The following LARGE1 variants were observed in gnomAD, a reference collection of about 807,000 sequenced individuals.
LARGE1 encodes the protein xylosyl- and glucuronyltransferase LARGE1.
Under a neutral mutation model 87.6 loss-of-function variants are expected in LARGE1, and 43 were observed. The observed-to-expected ratio is 0.49, with a 90% CI of 0.38 to 0.63. The LOEUF (loss-of-function observed/expected upper bound fraction) is 0.63, where lower values mean the gene tolerates loss of function less well. Among genes scored for constraint, LARGE1 ranks in the 30% least tolerant of loss-of-function variants. The pLI is 0.00. For synonymous variants in LARGE1, 434 were observed against 394.6 expected (o/e 1.10, Z -1.18); for missense variants, 802 against 1,000.2 (o/e 0.80, Z 2.67).
At chr22:33,825,587 G>A (rs1489753968) in intron 1 of LARGE1, among the ~76,000 whole-genome samples, 8 of 152,224 alleles carry the variant, frequency 5.3e-5, no homozygotes, top group Middle Eastern at 3.4e-3. Flanking sequence ...ATCAGATCTC[G>A]TGAGAACTCA....
rs557580493 is a variant in LARGE1, at chr22:33,586,716, C to T, written c.615+17719G>A. 1.5e-4 allele frequency among the ~76,000 whole-genome samples: 23 copies of T among 152,288 alleles called. No individual in the cohort carries two copies. The East Asian group carries it at 3.9e-3, about 26-fold the overall frequency. On this transcript the variant is annotated intron_variant, in intron 5 of 14. Coordinates refer to ENST00000397394, the MANE Select transcript of LARGE1 (RefSeq NM_133642.5). ...TCATGATCCGTCCGCCTCAGCCTCC[C>T]GAAGTGCTGGGATTACAGGCGTGAG...
At chr22:33,383,789 T>C (rs746630345) in intron 8 of LARGE1, among the ~76,000 whole-genome samples, 2 of 152,184 alleles carry the variant, frequency 1.3e-5, no homozygotes, top group African/African-American at 4.8e-5. Context: ...CTGGGAAATA[T>C]GCTGTGGCAT....
chr22:33,786,157 A>C (rs1271718056), intron 1 of LARGE1, among the ~76,000 whole-genome samples: 1 of 152,232 alleles, frequency 6.6e-6, no homozygotes, highest in Non-Finnish European at 1.5e-5. Flanking sequence ...CACAGTATTC[A>C]GGTGCTGGGA....
chr22:33,314,222 G>A (rs551579143), intron 11 of LARGE1, among the ~76,000 whole-genome samples: 1 of 152,042 alleles, frequency 6.6e-6, no homozygotes, highest in East Asian at 1.9e-4. Context: ...TTACCTGCTA[G>A]GATCCCCAAG....
At chr22:33,511,766 T>C (rs1396927318) in intron 6 of LARGE1, among the ~76,000 whole-genome samples, 1 of 152,252 alleles carries the variant, frequency 6.6e-6, no homozygotes, top group East Asian at 1.9e-4. Context: ...ATCTGAGTTA[T>C]GTCAAGGTTG....
intron 1 of LARGE1, among the ~76,000 whole-genome samples, chr22:33,917,470 C>A (rs553795514): frequency 5.3e-5 from 8 of 152,172 alleles, no homozygotes; most frequent in Non-Finnish European, 1.2e-4. Context: ...ATGTTAACAT[C>A]TCTAAGTATA....
intron 2 of LARGE1, among the ~76,000 whole-genome samples, chr22:33,667,850 T>C (rs2081310424): frequency 6.6e-6 from 1 of 152,276 alleles, no homozygotes; most frequent in South Asian, 2.1e-4. Flanking sequence ...GCCCGCTGTC[T>C]GAAAATCCTA....
rs1927081442 is a variant in LARGE1, at chr22:33,253,046, G to A, written c.1730+51183C>T. Among the ~76,000 whole-genome samples, 3 of 152,100 alleles carry A rather than the reference G, an allele frequency of 2.0e-5. No individual in the cohort carries two copies. In the South Asian group the frequency reaches 6.2e-4, roughly 32 times the overall value. On this transcript the variant is annotated intron_variant, in intron 11 of 11. Transcript: ENST00000608642. ...ATTATGAGCTCAGAAGGTGTGACGT[G>A]GAATGTAACTGGATTATACAGAAAG... is the stretch of plus-strand genomic sequence containing the variant.
intron 13 of LARGE1, among the ~76,000 whole-genome samples, chr22:33,281,630 G>A (rs1930463665): frequency 6.6e-6 from 1 of 152,200 alleles, no homozygotes; most frequent in Non-Finnish European, 1.5e-5. Context: ...CACATGCTAA[G>A]CACACAATAA....
At chr22:33,910,084 C>T (rs1189255223) in intron 1 of LARGE1, among the ~76,000 whole-genome samples, 1 of 152,204 alleles carries the variant, frequency 6.6e-6, no homozygotes, top group Non-Finnish European at 1.5e-5. Flanking sequence ...CATCCATTCA[C>T]TACACTGCTA....
intron 1 of LARGE1, among the ~76,000 whole-genome samples, chr22:33,762,317 A>C (rs558525674): frequency 6.6e-6 from 1 of 151,650 alleles, no homozygotes; most frequent in Non-Finnish European, 1.5e-5. Flanking sequence ...AACAACCCCA[A>C]GCTGAGATGT....
chr22:33,645,224 TG>T (rs113247767), intron 3 of LARGE1, among the ~76,000 whole-genome samples: 75,662 of 151,912 alleles, frequency 0.5, 20,810 homozygotes, highest in Middle Eastern at 0.67. Context: ...CAAAACAGCA[TG>T]GTACTGGTAC....
the LARGE1 span, among the ~76,000 whole-genome samples, chr22:33,154,430 G>A: frequency 6.6e-6 from 1 of 152,056 alleles, no homozygotes; most frequent in Non-Finnish European, 1.5e-5. Context: ...TGTAGACATA[G>A]GGTTTCACAA....
At chr22:33,212,852 C>T (rs1361145919) in intron 11 of LARGE1, among the ~76,000 whole-genome samples, 1 of 151,948 alleles carries the variant, frequency 6.6e-6, no homozygotes, top group African/African-American at 2.4e-5. Context: ...CCCGTCTCTA[C>T]TAAAAATACA....
chr22:33,261,688 T>C (rs557435197), intron 11 of LARGE1, among the ~76,000 whole-genome samples: 1 of 152,148 alleles, frequency 6.6e-6, no homozygotes, highest in Admixed American at 6.5e-5. Flanking sequence ...ATACTGACTT[T>C]CTGTTAGTGT....
At chr22:33,862,078 C>G (rs1601801687) in intron 1 of LARGE1, among the ~76,000 whole-genome samples, 1 of 151,958 alleles carries the variant, frequency 6.6e-6, no homozygotes, top group Non-Finnish European at 1.5e-5. Context: ...CCAGGCTGGT[C>G]TTGAACTCCT....
chr22:33,761,528 A>G lies in LARGE1; in HGVS notation c.-52T>C. 2 of 1,437,322 alleles carry G rather than the reference A, an allele frequency of 1.4e-6. No individual in the cohort carries two copies. The highest frequency in any genetic ancestry group is 9.8e-7 in the Non-Finnish European group (1 of 1,019,736). 89.0% of individuals were successfully genotyped at this position (1,437,322 alleles called of 1,614,324 possible). A position where few individuals can be genotyped will look rare whatever the true frequency, so the allele number is the denominator to read the frequency against. On this transcript the variant is annotated 5_prime_UTR_variant, in exon 2 of 15. The change abolishes an upstream ATG in the 5' untranslated region. Coordinates refer to ENST00000397394, the MANE Select transcript of LARGE1 (RefSeq NM_133642.5). ...CCAGCGCCGTTTCTCTGTCCGGAGC[A>G]TGAAGTCCTCGGCCTCCCTCATAAT...
the LARGE1 span, among the ~76,000 whole-genome samples, chr22:33,069,937 G>T: frequency 6.7e-6 from 1 of 150,222 alleles, no homozygotes; most frequent in African/African-American, 2.4e-5. Context: ...CTATTCACCT[G>T]CCTCAGCCTC....
At chr22:33,728,551 CAAAAAAAA>C (rs57790780) in intron 2 of LARGE1, among the ~76,000 whole-genome samples, 3 of 37,462 alleles carry the variant, frequency 8.0e-5, no homozygotes, top group Admixed American at 3.9e-4. Context: ...CCCCTACCAC[CAAAAAAAA>C]AAAAAAAAAA....
Sources: gnomAD v4.1 joint callset for allele counts (sites outside exome capture counted in the v4.1 genomes callset) on GRCh38, gnomAD v4.1.1 for gene constraint, MANE v1.5 for transcripts, NCBI Gene and HGNC (gene_info 2026-07-23, HGNC 2026-07-21) for gene names.